The following XIRP2 variants were observed in gnomAD, a reference collection of about 807,000 sequenced individuals.
The protein encoded by XIRP2 is xin actin binding repeat containing 2, also known as xin actin-binding repeat-containing protein 2.
In XIRP2, 236 loss-of-function variants were observed where a neutral mutation model predicts 277.0. The observed-to-expected ratio is 0.85, with a 90% CI of 0.77 to 0.95. The LOEUF is 0.95. Ranked by LOEUF, XIRP2 falls within the 40% of genes least tolerant of loss-of-function variation. XIRP2 has a pLI of 0.00. For missense variants in XIRP2, 4,640 were observed against 4,157.5 expected (o/e 1.12, Z -3.19); for synonymous variants, 1,490 against 1,416.5 (o/e 1.05, Z -1.17).
chr2:167,105,247 A>G (rs1258925548), intron 2 of XIRP2, among the ~76,000 whole-genome samples: 1 of 151,974 alleles, frequency 6.6e-6, no homozygotes, highest in Non-Finnish European at 1.5e-5. Flanking sequence ...GATACAGTCA[A>G]GATACATATT....
chr2:166,945,763 C>T (rs1348840629), intron 2 of XIRP2, among the ~76,000 whole-genome samples: 5 of 148,896 alleles, frequency 3.4e-5, no homozygotes, highest in Admixed American at 2.1e-4. Context: ...CCTCCAACTC[C>T]CGGGTTCAAG....
chr2:167,141,456 A>C (rs1279686106), intron 3 of XIRP2, among the ~76,000 whole-genome samples: 2 of 152,198 alleles, frequency 1.3e-5, no homozygotes, highest in African/African-American at 4.8e-5. Context: ...ATGAAGAAGT[A>C]AATGGTATAT....
intron 3 of XIRP2, among the ~76,000 whole-genome samples, chr2:167,200,994 C>T (rs1375355628): frequency 2.6e-5 from 4 of 151,660 alleles, no homozygotes; most frequent in South Asian, 2.1e-4. Flanking sequence ...GGTGTGGTGG[C>T]GGGTGCCTGT....
chr2:166,935,591 T>G (rs191548868), intron 2 of XIRP2, among the ~76,000 whole-genome samples: 44 of 152,318 alleles, frequency 2.9e-4, no homozygotes, highest in African/African-American at 1.0e-3. Flanking sequence ...GGCCCTGGTG[T>G]GTGATGTTCC....
At chr2:167,201,393 T>C (rs1025843949) in intron 3 of XIRP2, among the ~76,000 whole-genome samples, 1 of 124,474 alleles carries the variant, frequency 8.0e-6, no homozygotes, top group African/African-American at 4.1e-5. Flanking sequence ...CGGTACCATA[T>C]ACCTTCAGTA....
intron 2 of XIRP2, among the ~76,000 whole-genome samples, chr2:167,019,775 A>G: frequency 6.6e-6 from 1 of 152,062 alleles, no homozygotes; most frequent in East Asian, 1.9e-4. Flanking sequence ...ATATCAGTAA[A>G]AGAGATACAC....
At chr2:167,138,694 G>C (rs1037550377) in intron 3 of XIRP2, among the ~76,000 whole-genome samples, 7 of 152,112 alleles carry the variant, frequency 4.6e-5, no homozygotes, top group Non-Finnish European at 1.0e-4. Flanking sequence ...TGGGTAATTT[G>C]ATAATAGATG....
intron 5 of XIRP2, among the ~76,000 whole-genome samples, chr2:167,221,737 T>C (rs1033925624): frequency 6.6e-6 from 1 of 152,172 alleles, no homozygotes; most frequent in Non-Finnish European, 1.5e-5. Context: ...TCAATTCTGA[T>C]AGTGTTTTCA....
intron 3 of XIRP2, among the ~76,000 whole-genome samples, chr2:167,205,170 A>G (rs991765024): frequency 6.6e-6 from 1 of 152,112 alleles, no homozygotes; most frequent in African/African-American, 2.4e-5. Context: ...TGTCCCCACT[A>G]TAGGCTCCCA....
At chr2:167,096,083 C>T (rs1690307263) in intron 2 of XIRP2, among the ~76,000 whole-genome samples, 1 of 132,240 alleles carries the variant, frequency 7.6e-6, no homozygotes, top group South Asian at 2.6e-4. Flanking sequence ...CTGGAAGTCC[C>T]TCTTTTTTTT....
At position 167,244,670 on chromosome 2, in the gene XIRP2, C is replaced by A. The variant is rs762853983; in HGVS notation, c.3278C>A (p.Thr1093Asn). 2 of 1,613,432 alleles carry A rather than the reference C, an allele frequency of 1.2e-6. No homozygotes were observed. Among genetic ancestry groups the A allele is most frequent in the East Asian group, 4.5e-5 (2 of 44,812 alleles). ...TRDIVKGDVKTCKWLFETQPM... is the reference protein window; with the variant it reads ...TRDIVKGDVKNCKWLFETQPM... ...GATATTGTTAAAGGGGATGTCAAAA[C>A]CTGTAAATGGCTTTTTGAGACCCAG... The change falls in exon 9 of 11, where the codon ACC becomes AAC. Residue 1093 changes from threonine to asparagine, a missense_variant. Physicochemically the swap from Thr to Asn is moderately conservative, Grantham distance 65. Transcript: ENST00000409195.
intron 10 of XIRP2, among the ~76,000 whole-genome samples, chr2:167,255,601 G>C (rs1051719475): frequency 3.3e-5 from 5 of 151,668 alleles, no homozygotes; most frequent in Non-Finnish European, 7.4e-5. Flanking sequence ...AATTACATCT[G>C]CCCTCCCCAT....
intron 2 of XIRP2, among the ~76,000 whole-genome samples, chr2:166,969,343 A>G (rs1180102510): frequency 6.6e-6 from 1 of 151,998 alleles, no homozygotes; most frequent in Non-Finnish European, 1.5e-5. Context: ...AAGTGAATTT[A>G]TTCACGTCTA....
chr2:166,889,066 C>T (rs1243306411), intron 1 of XIRP2, among the ~76,000 whole-genome samples: 1 of 152,110 alleles, frequency 6.6e-6, no homozygotes, highest in Admixed American at 6.5e-5. Flanking sequence ...GCTGACAGCC[C>T]CATTCTGAAT....
At chr2:166,933,335 A>G (rs1382108182) in intron 2 of XIRP2, among the ~76,000 whole-genome samples, 1 of 151,740 alleles carries the variant, frequency 6.6e-6, no homozygotes, top group Admixed American at 6.6e-5. Context: ...TTTTTAGTAG[A>G]GATGGGGTTT....
At chr2:166,903,097 C>T (rs1684422811) in intron 1 of XIRP2, among the ~76,000 whole-genome samples, 1 of 151,972 alleles carries the variant, frequency 6.6e-6, no homozygotes, top group African/African-American at 2.4e-5. Flanking sequence ...TTTAAGTTGC[C>T]CTTTTCTTAG....
chr2:167,019,908 G>T (rs1687935286), intron 2 of XIRP2, among the ~76,000 whole-genome samples: 1 of 152,016 alleles, frequency 6.6e-6, no homozygotes, highest in Admixed American at 6.6e-5. Context: ...GCCAGTCTAA[G>T]TGCTTCTAAC....
intron 2 of XIRP2, among the ~76,000 whole-genome samples, chr2:167,067,623 T>G (rs1279202461): frequency 6.6e-6 from 1 of 151,492 alleles, no homozygotes; most frequent in Non-Finnish European, 1.5e-5. Context: ...ATATCTTAAT[T>G]TAAGAGTATC....
intron 2 of XIRP2, among the ~76,000 whole-genome samples, chr2:167,134,845 C>T (rs7606603): frequency 0.063 from 9,508 of 152,098 alleles, 522 homozygotes; most frequent in African/African-American, 0.15. Context: ...CATCTGATAA[C>T]CAAGACAGCT....
Sources: gnomAD v4.1 joint callset for allele counts (sites outside exome capture counted in the v4.1 genomes callset) on GRCh38, gnomAD v4.1.1 for gene constraint, MANE v1.5 for transcripts, NCBI Gene and HGNC (gene_info 2026-07-23, HGNC 2026-07-21) for gene names.